The following TNR variants were observed in gnomAD, a reference collection of about 807,000 sequenced individuals.
TNR encodes the protein tenascin-R.
Under a neutral mutation model 150.4 loss-of-function variants are expected in TNR, and 45 were observed. The observed-to-expected ratio is 0.30, with a 90% CI of 0.24 to 0.38. The LOEUF (loss-of-function observed/expected upper bound fraction) is 0.38, where lower values mean the gene tolerates loss of function less well. TNR is among the 10% of genes least tolerant of loss of function. The pLI, the probability that TNR is intolerant of heterozygous loss-of-function variation, is 1.00. For missense variants in TNR, 1,544 were observed against 1,759.1 expected (o/e 0.88, Z 2.19); for synonymous variants, 687 against 678.4 (o/e 1.01, Z -0.20).
intron 2 of TNR, among the ~76,000 whole-genome samples, chr1:175,522,306 T>C (rs1659668921): frequency 6.6e-6 from 1 of 152,236 alleles, no homozygotes; most frequent in South Asian, 2.1e-4. Context: ...CAAAGTCTTT[T>C]GGTTTGAAAC....
intron 4 of TNR, among the ~76,000 whole-genome samples, chr1:175,398,290 A>G (rs1653529533): frequency 6.6e-6 from 1 of 152,264 alleles, no homozygotes; most frequent in Non-Finnish European, 1.5e-5. Flanking sequence ...TGAATAAAAC[A>G]GTCTAGAAAG....
chr1:175,610,312 T>A (rs910019504), intron 1 of TNR, among the ~76,000 whole-genome samples: 8 of 152,228 alleles, frequency 5.3e-5, no homozygotes. Context: ...ACCCTGTGAC[T>A]TAGCTAAGAC....
chr1:175,365,538 C>T (rs994417776), intron 11 of TNR, among the ~76,000 whole-genome samples: 46 of 152,288 alleles, frequency 3.0e-4, no homozygotes, highest in African/African-American at 1.1e-3. Flanking sequence ...GATTGAAAGC[C>T]TGTATCCTGG....
chr1:175,380,248 A>G (rs1448328422), intron 8 of TNR, among the ~76,000 whole-genome samples: 1 of 152,210 alleles, frequency 6.6e-6, no homozygotes, highest in Non-Finnish European at 1.5e-5. Context: ...TGTAGCAGAA[A>G]TAATATAGGC....
At chr1:175,429,863 C>A (rs1296063930) in intron 2 of TNR, among the ~76,000 whole-genome samples, 3 of 152,050 alleles carry the variant, frequency 2.0e-5, no homozygotes, top group Non-Finnish European at 4.4e-5. Flanking sequence ...CCCAGAAGCC[C>A]AGGGTTAGCA....
intron 1 of TNR, among the ~76,000 whole-genome samples, chr1:175,723,307 C>A (rs886515757): frequency 2.6e-5 from 4 of 152,174 alleles, no homozygotes; most frequent in Non-Finnish European, 4.4e-5. Context: ...CAATTTGCAG[C>A]CCTCTTCTAA....
At chr1:175,357,146 A>G (rs867823563) in intron 15 of TNR, among the ~76,000 whole-genome samples, 5 of 152,076 alleles carry the variant, frequency 3.3e-5, no homozygotes, top group African/African-American at 9.7e-5. Flanking sequence ...CTTTGCATTT[A>G]TTTCTATTGC....
chr1:175,331,114 T>TC (rs1557868327), intron 20 of TNR, among the ~76,000 whole-genome samples: 1 of 69,382 alleles, frequency 1.4e-5, no homozygotes, highest in African/African-American at 5.2e-5. Context: ...TCTCTCTTTC[T>TC]TTTCTTTCTT....
chr1:175,427,658 T>TTTCCTTCCTTCC (rs199692758), intron 2 of TNR, among the ~76,000 whole-genome samples: 7,431 of 116,482 alleles, frequency 0.064, 407 homozygotes, highest in Non-Finnish European at 0.081. Flanking sequence ...AAGTGTTTTG[T>TTTCCTTCCTTCC]TTCCTTCCTT....
At chr1:175,632,290 T>C (rs1664350527) in intron 1 of TNR, among the ~76,000 whole-genome samples, 1 of 152,216 alleles carries the variant, frequency 6.6e-6, no homozygotes, top group Non-Finnish European at 1.5e-5. Context: ...CCAGTTTCTC[T>C]CTGTTCCCAA....
chr1:175,739,280 T>C (rs1667857167), intron 1 of TNR, among the ~76,000 whole-genome samples: 2 of 152,142 alleles, frequency 1.3e-5, no homozygotes, highest in Non-Finnish European at 2.9e-5. Flanking sequence ...CCTGGACACA[T>C]TTTAAGCTCT....
intron 20 of TNR, 158 bp from the exon 21 acceptor site, chr1:175,330,393 C>A (rs1475950877): frequency 4.3e-6 from 3 of 705,108 alleles, no homozygotes; most frequent in South Asian, 3.3e-5. Context: ...ATCAAATGGA[C>A]CCTGCCAGAC....
chr1:175,666,584 C>T (rs1382962132), intron 1 of TNR, among the ~76,000 whole-genome samples: 1 of 152,222 alleles, frequency 6.6e-6, no homozygotes, highest in Non-Finnish European at 1.5e-5. Context: ...CTGCCAAGCC[C>T]GTCATCAGTG....
intron 2 of TNR, among the ~76,000 whole-genome samples, chr1:175,519,618 C>T (rs369151833): frequency 6.6e-6 from 1 of 152,192 alleles, no homozygotes; most frequent in East Asian, 1.9e-4. Context: ...ATAATTATCA[C>T]AGCTTCAATT....
chr1:175,492,893 C>T (rs888779081), intron 2 of TNR, among the ~76,000 whole-genome samples: 1 of 152,088 alleles, frequency 6.6e-6, no homozygotes, highest in Non-Finnish European at 1.5e-5. Context: ...ACATATGGGC[C>T]TCCAGAGGCA....
chr1:175,556,224 C>T (rs1029457900), intron 1 of TNR, among the ~76,000 whole-genome samples: 2 of 152,220 alleles, frequency 1.3e-5, no homozygotes, highest in African/African-American at 4.8e-5. Context: ...TGATTCTTTT[C>T]CACCTCCTCA....
intron 2 of TNR, among the ~76,000 whole-genome samples, chr1:175,428,719 A>G (rs1655124727): frequency 6.6e-6 from 1 of 152,162 alleles, no homozygotes; most frequent in African/African-American, 2.4e-5. Flanking sequence ...CTCAAATACA[A>G]ATCTCTTTAG....
intron 2 of TNR, among the ~76,000 whole-genome samples, chr1:175,444,617 C>A (rs1655952352): frequency 6.6e-6 from 1 of 152,234 alleles, no homozygotes; most frequent in Non-Finnish European, 1.5e-5. Flanking sequence ...AAGTAGCATT[C>A]TTATGGCTAG....
At chr1:175,491,486 G>C (rs1028343444) in intron 2 of TNR, among the ~76,000 whole-genome samples, 2 of 152,082 alleles carry the variant, frequency 1.3e-5, no homozygotes, top group African/African-American at 4.8e-5. Flanking sequence ...AGGGAGAAAG[G>C]CTGAACTATG....
Sources: gnomAD v4.1 joint callset for allele counts (sites outside exome capture counted in the v4.1 genomes callset) on GRCh38, gnomAD v4.1.1 for gene constraint, MANE v1.5 for transcripts, NCBI Gene and HGNC (gene_info 2026-07-23, HGNC 2026-07-21) for gene names.